SPATA3: variants seen among roughly 807,000 people sequenced by gnomAD.
SPATA3 encodes spermatogenesis-associated protein 3.
Under a neutral mutation model 5.7 loss-of-function variants are expected in SPATA3, and 6 were observed. The ratio of observed to expected loss-of-function variants is 1.06; its 90% CI spans 0.58 to 2.09. The LOEUF is 2.09. Among genes scored for constraint, SPATA3 ranks in the 30% most tolerant of loss-of-function variants. The pLI is 0.00. For missense variants in SPATA3, 155 were observed against 130.4 expected (o/e 1.19, Z -0.92); for synonymous variants, 44 against 48.4 (o/e 0.91, Z 0.37).
intron 6 of SPATA3, among the ~76,000 whole-genome samples, chr2:231,017,502 A>G (rs1240928851): frequency 2.6e-5 from 4 of 152,190 alleles, no homozygotes; most frequent in Admixed American, 2.6e-4. Context: ...CCCACCAATG[A>G]CTGGGCCCCG....
At chr2:231,015,932 T>TA (rs1237822685) in intron 6 of SPATA3, among the ~76,000 whole-genome samples, 1 of 152,242 alleles carries the variant, frequency 6.6e-6, no homozygotes, top group Non-Finnish European at 1.5e-5. Context: ...GGAGACTCCT[T>TA]AAAAATAACA....
exon 3 of SPATA3, chr2:231,002,788 G>T (rs749445534): frequency 6.7e-7 from 1 of 1,493,172 alleles, no homozygotes; most frequent in South Asian, 1.3e-5. Flanking sequence ...CTACATCACT[G>T]AATCCTTGTG....
At position 231,000,231 on chromosome 2, in the gene SPATA3, A is replaced by G. The variant is rs1191043813; in HGVS notation, c.791-135A>G. 4 of 806,924 alleles carry G rather than the reference A, an allele frequency of 5.0e-6. No individual in the cohort carries two copies. The African/African-American group carries it at 7.1e-5, about 14-fold the overall frequency. The allele number at this position is 806,924 out of a possible 1,614,324, so 50.0% of individuals were successfully genotyped here. ...CCAAATCCTCAATGATGCCTTGGAAAAAATCCAGCGTTCGCCCTGGTAATC... is the reference window on the plus strand; with the variant it reads ...CCAAATCCTCAATGATGCCTTGGAAGAAATCCAGCGTTCGCCCTGGTAATC... On this transcript the variant is annotated intron_variant, in intron 1 of 2. Transcript: ENST00000645363.
chr2:231,009,608 T>A (rs1209560760), downstream of SPATA3, among the ~76,000 whole-genome samples: 1 of 152,224 alleles, frequency 6.6e-6, no homozygotes, highest in East Asian at 1.9e-4. Flanking sequence ...GCATTGTGGC[T>A]CACGTTGCCT....
At chr2:230,996,317 TCAGCAGCCTAGCCCTGAATCCACACCA>T (rs72362780) in intron 1 of SPATA3, 822,850 of 1,542,900 alleles carry the variant, frequency 0.53, 222,131 homozygotes, top group East Asian at 0.64. Context: ...ATTCCACCTC[TCAGCAGCCTAGCCCTGAATCCACACCA>T]CAGCAGCCTA....
Position 230,996,495 on chromosome 2 carries a change from G to A in SPATA3, c.791-3871G>A, listed in dbSNP as rs149976648. 9,721 of 1,552,174 alleles carry A rather than the reference G, an allele frequency of 6.3e-3. 46 individuals are homozygous for A. The highest frequency in any genetic ancestry group is 7.8e-3 in the Non-Finnish European group (8,914 of 1,147,094). On this transcript the variant is annotated intron_variant, in intron 1 of 2. Coordinates refer to ENST00000645363, the Ensembl canonical transcript of SPATA3. The stretch of plus-strand genomic sequence containing the variant: ...CTCCTCTTGCTGCCTTTTATCTCCA[G>A]ATGCTAACGTGAAGGCAGCCCCTCA...
At chr2:231,005,196 T>C (rs1214072326), downstream of SPATA3, among the ~76,000 whole-genome samples, 5 of 8,474 alleles carry the variant, frequency 5.9e-4, no homozygotes, top group Admixed American at 1.5e-3. Context: ...ATCACCATCT[T>C]CACCATCACC....
downstream of SPATA3, among the ~76,000 whole-genome samples, chr2:231,005,631 C>A (rs1251205578): frequency 7.5e-6 from 1 of 134,008 alleles, no homozygotes; most frequent in Non-Finnish European, 1.6e-5. Context: ...ACCATCATCA[C>A]CATCACCATC....
intron 6 of SPATA3, among the ~76,000 whole-genome samples, chr2:231,019,176 A>G (rs982260394): frequency 5.7e-4 from 85 of 150,156 alleles, no homozygotes; most frequent in South Asian, 1.5e-3. Flanking sequence ...TCACCATGTT[A>G]GCCAGGATGG....
At chr2:231,009,647 G>A (rs886379433), downstream of SPATA3, among the ~76,000 whole-genome samples, 6 of 152,196 alleles carry the variant, frequency 3.9e-5, no homozygotes, top group Non-Finnish European at 8.8e-5. Context: ...CCCTCTTGAA[G>A]AGTGGAAACT....
intron 6 of SPATA3, among the ~76,000 whole-genome samples, chr2:231,018,944 C>T (rs1693001330): frequency 1.3e-5 from 2 of 150,442 alleles, no homozygotes; most frequent in Non-Finnish European, 2.9e-5. Flanking sequence ...CCTCAGCCAC[C>T]GTGCCTGGCC....
chr2:231,016,548 G>T (rs2125126339), intron 6 of SPATA3, among the ~76,000 whole-genome samples: 1 of 151,794 alleles, frequency 6.6e-6, no homozygotes, highest in Non-Finnish European at 1.5e-5. Context: ...AGCTGGGTGT[G>T]GTGGCGGGCA....
chr2:231,018,099 A>G (rs1159606868), intron 6 of SPATA3, among the ~76,000 whole-genome samples: 1 of 151,770 alleles, frequency 6.6e-6, no homozygotes, highest in African/African-American at 2.4e-5. Flanking sequence ...TAATTTTTAT[A>G]TTTTTAGTAG....
downstream of SPATA3, among the ~76,000 whole-genome samples, chr2:231,008,898 G>GCAC (rs1211631918): frequency 6.6e-6 from 1 of 152,184 alleles, no homozygotes; most frequent in Non-Finnish European, 1.5e-5. Context: ...AGCTACAGCA[G>GCAC]CAACAGCTCC....
At chr2:231,010,395 C>A (rs954505351), downstream of SPATA3, among the ~76,000 whole-genome samples, 1 of 152,246 alleles carries the variant, frequency 6.6e-6, no homozygotes, top group African/African-American at 2.4e-5. Flanking sequence ...CCTCTCTGAG[C>A]AGCATTCCTT....
intron 5 of SPATA3, among the ~76,000 whole-genome samples, chr2:231,013,527 G>A (rs1692846342): frequency 6.7e-6 from 1 of 150,230 alleles, no homozygotes; most frequent in African/African-American, 2.5e-5. Context: ...TTTCACTCCT[G>A]TTGCCCAGGC....
downstream of SPATA3, among the ~76,000 whole-genome samples, chr2:231,006,538 A>T (rs1441298624): frequency 6.6e-6 from 1 of 152,022 alleles, no homozygotes; most frequent in Non-Finnish European, 1.5e-5. Flanking sequence ...AAGAAAAGAA[A>T]ATTAGCTTAC....
At chr2:231,010,508 G>T (rs1264445296), downstream of SPATA3, among the ~76,000 whole-genome samples, 9 of 152,314 alleles carry the variant, frequency 5.9e-5, no homozygotes, top group South Asian at 1.9e-3. Flanking sequence ...CTTACACAAG[G>T]CTGGGGGAAA....
intron 2 of SPATA3, 126 bp downstream of exon 2, chr2:231,000,663 T>G: frequency 9.2e-7 from 1 of 1,083,082 alleles, no homozygotes; most frequent in Admixed American, 3.7e-5. Flanking sequence ...AAAGCCTTTC[T>G]TTCCCTCTTT....
Sources: gnomAD v4.1 joint callset for allele counts (sites outside exome capture counted in the v4.1 genomes callset) on GRCh38, gnomAD v4.1.1 for gene constraint, MANE v1.5 for transcripts, NCBI Gene and HGNC (gene_info 2026-07-23, HGNC 2026-07-21) for gene names.